Variants in YJU2B observed in about 807,000 individuals in gnomAD.
YJU2B encodes YJU2 splicing factor homolog B, also known as probable splicing factor YJU2B.
YJU2B carries 18 observed loss-of-function variants against 38.0 expected under a neutral mutation model. The ratio of observed to expected loss-of-function variants is 0.47; its 90% CI spans 0.33 to 0.70. The LOEUF (loss-of-function observed/expected upper bound fraction) is 0.70, where lower values mean the gene tolerates loss of function less well. Ranked by LOEUF, YJU2B falls within the 30% of genes least tolerant of loss-of-function variation. The pLI is 0.02. For synonymous variants in YJU2B, 246 were observed against 225.4 expected, an observed-to-expected ratio of 1.09 and a Z score of -0.82; for missense variants, 538 against 556.3, an observed-to-expected ratio of 0.97 and a Z score of 0.33.
Position 13,756,082 on chromosome 19 carries a change from G to T in YJU2B, c.58-115G>T. 8 of 794,600 alleles carry T rather than the reference G, an allele frequency of 1.0e-5. No homozygotes were observed. The East Asian group carries it at 2.0e-4, about 20-fold the overall frequency. The allele number at this position is 794,600 out of a possible 1,614,324, so 49.2% of individuals were successfully genotyped here. On this transcript the variant is annotated intron_variant, in intron 3 of 9. Coordinates refer to ENST00000221554, the MANE Select transcript of YJU2B (RefSeq NM_030818.4). ...TGAACACCCGTCCTGCAGGACATAA[G>T]AATCAAGGCCTCTCCCACCTGTGAG...
At position 13,762,434 on chromosome 19, in the gene YJU2B, G is replaced by C; in HGVS notation, c.709G>C (p.Asp237His). 1 of 1,612,598 alleles carries C rather than the reference G, an allele frequency of 6.2e-7. No individual in the cohort carries two copies. Among genetic ancestry groups the C allele is most frequent in the Non-Finnish European group, 8.5e-7 (1 of 1,179,910 alleles). Residue 237 changes from aspartate (D) to histidine (H), a missense_variant, in exon 9 of 10, where the codon GAC becomes CAC. By Grantham distance (81) the Asp-to-His change is moderately conservative. Around this residue, in one of 2 missense-constraint regions of YJU2B, gnomAD observed 488 missense variants for 469.5 expected, o/e 1.04. Transcript: ENST00000221554. ...GGCTCTGCTGAAGTTCCACACCCTG[G>C]ACTGTGCGTAGGAGGCCAGGGGGAA... is the stretch of plus-strand genomic sequence containing the variant. Reference protein sequence around the residue: ...LAALLKFHTLDSYEDKQKLKR... With the variant: ...LAALLKFHTLHSYEDKQKLKR...
intron 6 of YJU2B, 87 bp downstream of exon 6, chr19:13,757,933 C>A: frequency 8.5e-7 from 1 of 1,177,314 alleles, no homozygotes; most frequent in Non-Finnish European, 1.3e-6. Context: ...CGGGGGGAAC[C>A]CATTCCCTGC....
In YJU2B at chr19:13,762,732, C is replaced by T. The variant is rs757271454; in HGVS notation, c.855C>T (p.Thr285=). Residue 285 remains threonine (T), a synonymous_variant, in exon 10 of 10, where the codon ACC becomes ACT. Transcript: ENST00000221554. ...LAQSRRTALA[T]SPITVGDLGI... The stretch of plus-strand genomic sequence containing the variant: ...AGAGCCGCAGAACCGCGCTTGCCAC[C>T]TCCCCCATCACCGTCGGGGACCTGG... The T allele has an allele frequency of 1.3e-4, 211 of 1,608,722 alleles. No homozygotes were observed. Among genetic ancestry groups the T allele is most frequent in the Non-Finnish European group, 1.8e-4 (208 of 1,179,506 alleles).
intron 2 of YJU2B, among the ~76,000 whole-genome samples, chr19:13,752,535 G>A (rs563294012): frequency 1.3e-5 from 2 of 152,232 alleles, no homozygotes; most frequent in South Asian, 2.1e-4. Flanking sequence ...CCTGAGGTCA[G>A]GAGTTTGAGA....
At chr19:13,759,339 C>A (rs371671) in intron 8 of YJU2B, 67 bp downstream of exon 8, 609,121 of 1,320,870 alleles carry the variant, frequency 0.46, 145,095 homozygotes, top group African/African-American at 0.74. Context: ...TCCAGCCCTC[C>A]CCCCACCACA....
chr19:13,754,484 T>C, intron 3 of YJU2B, 142 bp downstream of exon 3: 1 of 712,828 alleles, frequency 1.4e-6, no homozygotes, highest in South Asian at 1.5e-5. Context: ...CTCGAGGCTG[T>C]CTTCACTTTT....
At position 13,758,938 on chromosome 19, in the gene YJU2B, G is replaced by A. The variant is rs752468307; in HGVS notation, c.328G>A (p.Val110Met). The change falls in exon 7 of 10, where the codon GTG (valine) becomes ATG (methionine). Residue 110 changes from valine (V) to methionine (M), a missense_variant. Val to Met is a conservative substitution (Grantham distance 21). Around this residue, in one of 2 missense-constraint regions of YJU2B, gnomAD observed 488 missense variants for 469.5 expected, o/e 1.04. Transcript: ENST00000221554. ...GACGGACCCCGCCAACTGCGACTACGTGATCGTGAGTGGCGCCCAGCGCAA... is the reference window on the plus strand; with the variant it reads ...GACGGACCCCGCCAACTGCGACTACATGATCGTGAGTGGCGCCCAGCGCAA... ...MQTDPANCDY[V>M]IVSGAQRKEE... 3.0e-5 allele frequency: 49 copies of A among 1,613,892 alleles called. No homozygotes were observed. The highest frequency in any genetic ancestry group is 1.6e-4 in the East Asian group (7 of 44,890).
chr19:13,739,063 CTAAA>C (rs1421274405), intron 2 of YJU2B, among the ~76,000 whole-genome samples: 1 of 152,044 alleles, frequency 6.6e-6, no homozygotes, highest in South Asian at 2.1e-4. Context: ...GACTCCATCT[CTAAA>C]TAAATAAATA....
intron 1 of YJU2B, among the ~76,000 whole-genome samples, chr19:13,750,868 A>G (rs1599514613): frequency 6.6e-6 from 1 of 151,284 alleles, no homozygotes; most frequent in East Asian, 1.9e-4. Flanking sequence ...AAAAAAAAAA[A>G]AAAAAAAAAA....
chr19:13,756,202 C>T lies in YJU2B; in HGVS notation c.63C>T (p.Gly21=). The T allele has an allele frequency of 1.2e-6, 2 of 1,613,902 alleles. No homozygotes were observed. The highest frequency in any genetic ancestry group is 1.7e-6 in the Non-Finnish European group (2 of 1,179,844). The change falls in exon 4 of 10, where the codon GGC becomes GGT. Residue 21 remains glycine, a synonymous_variant. Transcript: ENST00000221554. ...YPPDFNPEKH[G]SLNRYHNSHP... Reference sequence around the variant, plus strand: ...TCCTCATCCTCTCCACACAGCATGGCTCTCTCAACCGATACCACAACAGCC... The same window carrying T: ...TCCTCATCCTCTCCACACAGCATGGTTCTCTCAACCGATACCACAACAGCC...
chr19:13,733,814 G>A (rs1045849338), intron 2 of YJU2B, among the ~76,000 whole-genome samples: 2 of 152,218 alleles, frequency 1.3e-5, no homozygotes, highest in African/African-American at 2.4e-5. Flanking sequence ...TGCCCCTGAA[G>A]GGGTGAAGAT....
At chr19:13,736,258 T>C (rs146102133) in intron 2 of YJU2B, among the ~76,000 whole-genome samples, 47 of 23,594 alleles carry the variant, frequency 2.0e-3, no homozygotes, top group Non-Finnish European at 3.7e-3. Flanking sequence ...TTCTTTCTTT[T>C]TTTTTTTTTT....
chr19:13,747,964 G>C lies in YJU2B; in HGVS notation c.-202+10G>C, dbSNP rs1973309255. ...GTCGGGAGGAGGGCAGGTAAGTGCC[G>C]GCGGGCGGAGGAGCGGGGAGGGCCG... On this transcript the variant is annotated intron_variant, in intron 1 of 9. Coordinates refer to ENST00000221554, the MANE Select transcript of YJU2B (RefSeq NM_030818.4). The C allele has an allele frequency of 1.3e-5, 2 of 152,206 alleles. No homozygotes were observed. Among genetic ancestry groups the C allele is most frequent in the African/African-American group, 2.4e-5 (1 of 41,460 alleles). 9.4% of individuals were successfully genotyped at this position (152,206 alleles called of 1,614,324 possible).
chr19:13,762,591 C>G lies in YJU2B; in HGVS notation c.714C>G (p.Ser238=). 6.5e-7 allele frequency: 1 copy of G among 1,529,992 alleles called. No homozygotes were observed. Among genetic ancestry groups the G allele is most frequent in the Non-Finnish European group, 8.7e-7 (1 of 1,145,758 alleles). 94.8% of individuals were successfully genotyped at this position (1,529,992 alleles called of 1,614,324 possible). Residue 238 remains serine (S), a splice_region_variant and synonymous_variant, in exon 10 of 10, where the codon TCC becomes TCG. Coordinates refer to ENST00000221554, the MANE Select transcript of YJU2B (RefSeq NM_030818.4). ...GAAATGTCCTCTCCTCTCCTCTAGC[C>G]TACGAGGACAAGCAGAAACTCAAGC... The part of the protein sequence containing the change: ...AALLKFHTLD[S]YEDKQKLKRT...
At chr19:13,756,995 G>T (rs940959080) in intron 4 of YJU2B, among the ~76,000 whole-genome samples, 1 of 139,898 alleles carries the variant, frequency 7.1e-6, no homozygotes, top group Admixed American at 7.2e-5. Flanking sequence ...AAAAAAATTC[G>T]CCGGAATTGG....
upstream of YJU2B, among the ~76,000 whole-genome samples, chr19:13,745,128 A>C (rs575751319): frequency 6.6e-6 from 1 of 152,258 alleles, no homozygotes; most frequent in East Asian, 1.9e-4. Context: ...TCCACCCCTC[A>C]CTAACTGTGC....
At chr19:13,757,180 C>T (rs1246524845) in intron 4 of YJU2B, among the ~76,000 whole-genome samples, 1 of 151,898 alleles carries the variant, frequency 6.6e-6, no homozygotes, top group African/African-American at 2.4e-5. Context: ...GGCGGCTGTC[C>T]CTGGACCTGG....
rs146781419 is a variant in YJU2B, at chr19:13,762,891, G to A, written c.1014G>A (p.Pro338=). Residue 338 remains proline, a synonymous_variant, in exon 10 of 10, where the codon CCG becomes CCA. Coordinates refer to ENST00000221554, the MANE Select transcript of YJU2B (RefSeq NM_030818.4). ...CCATGTCCCCCGGAGACTGTCCTCC[G>A]GAAACAACTGAGACCCCCAAGTGCA... The part of the protein sequence containing the change: ...DRPMSPGDCP[P]ETTETPKCSS... 4.3e-6 allele frequency: 7 copies of A among 1,611,344 alleles called. No individual in the cohort carries two copies. In the Admixed American group the frequency reaches 6.7e-5, roughly 15 times the overall value.
At chr19:13,735,231 CTT>C (rs1164750775) in intron 2 of YJU2B, among the ~76,000 whole-genome samples, 1 of 152,124 alleles carries the variant, frequency 6.6e-6, no homozygotes, top group East Asian at 1.9e-4. Flanking sequence ...AGGAGAATCG[CTT>C]GAACCTGGGA....
Sources: gnomAD v4.1 joint callset for allele counts (sites outside exome capture counted in the v4.1 genomes callset) on GRCh38, gnomAD v4.1.1 for gene constraint, gnomAD v4.1.1 regional missense constraint, MANE v1.5 for transcripts, NCBI Gene and HGNC (gene_info 2026-07-23, HGNC 2026-07-21) for gene names.